SLC24A2: variants seen among roughly 807,000 people sequenced by gnomAD.
SLC24A2 encodes the protein sodium/potassium/calcium exchanger 2.
Under a neutral mutation model 62.0 loss-of-function variants are expected in SLC24A2, and 36 were observed. The ratio of observed to expected loss-of-function variants is 0.58; its 90% CI spans 0.44 to 0.77. The LOEUF is 0.77. Ranked by LOEUF, SLC24A2 falls within the 30% of genes least tolerant of loss-of-function variation. SLC24A2 has a pLI of 0.00. For synonymous variants in SLC24A2, 358 were observed against 294.0 expected, an observed-to-expected ratio of 1.22 and a Z score of -2.23; for missense variants, 846 against 817.9, an observed-to-expected ratio of 1.03 and a Z score of -0.42.
intron 9 of SLC24A2, among the ~76,000 whole-genome samples, chr9:19,522,645 C>T (rs1419950066): frequency 6.6e-6 from 1 of 152,136 alleles, no homozygotes; most frequent in Admixed American, 6.6e-5. Flanking sequence ...ATCACTGCTC[C>T]CCATTAGTAA....
the SLC24A2 span, among the ~76,000 whole-genome samples, chr9:19,801,160 C>T: frequency 6.6e-6 from 1 of 152,174 alleles, no homozygotes; most frequent in Admixed American, 6.5e-5. Context: ...TTCTTGGCCT[C>T]AGATATTCCA....
chr9:19,672,582 G>C (rs2093318), intron 2 of SLC24A2, among the ~76,000 whole-genome samples: 3,257 of 146,156 alleles, frequency 0.022, 428 homozygotes, highest in East Asian at 0.093. Context: ...GCGGGGTCTG[G>C]GTTTGGCTTG....
chr9:19,634,281 CTTTTTTTTTTT>C (rs35884916), intron 2 of SLC24A2, among the ~76,000 whole-genome samples: 18 of 79,304 alleles, frequency 2.3e-4, no homozygotes, highest in South Asian at 5.9e-4. Flanking sequence ...ACTGCAGCCT[CTTTTTTTTTTT>C]TTTTTTTTTT....
chr9:20,047,264 T>TATGCAGACTGTTTGCTCAATCTTTCTA, the SLC24A2 span, among the ~76,000 whole-genome samples: 8 of 152,134 alleles, frequency 5.3e-5, no homozygotes, highest in Admixed American at 5.2e-4. Flanking sequence ...ACTTTCTAGC[T>TATGCAGACTGTTTGCTCAATCTTTCTA]ATGCAGACTG....
the SLC24A2 span, among the ~76,000 whole-genome samples, chr9:20,307,881 A>G: frequency 1.3e-5 from 2 of 152,100 alleles, no homozygotes; most frequent in Non-Finnish European, 2.9e-5. Flanking sequence ...TTTGACTACA[A>G]GATTTACCAG....
chr9:19,744,341 CCTT>C (rs1273536488), intron 2 of SLC24A2, among the ~76,000 whole-genome samples: 1 of 152,188 alleles, frequency 6.6e-6, no homozygotes, highest in African/African-American at 2.4e-5. Context: ...GATCCCATCT[CCTT>C]CTTCCTCTTT....
chr9:20,189,726 G>C, the SLC24A2 span, among the ~76,000 whole-genome samples: 10 of 152,190 alleles, frequency 6.6e-5, no homozygotes, highest in African/African-American at 2.4e-4. Flanking sequence ...AGTTTCCTTG[G>C]TGTCCACAGC....
the SLC24A2 span, among the ~76,000 whole-genome samples, chr9:20,128,554 G>A: frequency 0.16 from 23,663 of 151,924 alleles, 2,535 homozygotes; most frequent in East Asian, 0.46. Flanking sequence ...CATTCAAAAG[G>A]GAGCCCAGAA....
At chr9:19,613,720 G>T (rs909832064) in intron 4 of SLC24A2, among the ~76,000 whole-genome samples, 11 of 152,164 alleles carry the variant, frequency 7.2e-5, no homozygotes, top group African/African-American at 2.4e-4. Context: ...GAGCTCTTGT[G>T]ATTTAAGCTG....
intron 2 of SLC24A2, among the ~76,000 whole-genome samples, chr9:19,682,516 G>C (rs907968873): frequency 6.6e-6 from 1 of 152,082 alleles, no homozygotes; most frequent in South Asian, 2.1e-4. Context: ...CCAAACCACA[G>C]AAGTGGAACA....
intron 7 of SLC24A2, among the ~76,000 whole-genome samples, chr9:19,554,262 T>C (rs1383938267): frequency 6.6e-6 from 1 of 152,222 alleles, no homozygotes. Context: ...CTTGGACTTC[T>C]AGCGTCCAGA....
chr9:19,701,961 G>A (rs1167831731), intron 2 of SLC24A2, among the ~76,000 whole-genome samples: 2 of 152,082 alleles, frequency 1.3e-5, no homozygotes, highest in African/African-American at 2.4e-5. Flanking sequence ...GATGGAAAAC[G>A]ATAACAAAGT....
intron 8 of SLC24A2, among the ~76,000 whole-genome samples, chr9:19,537,263 A>G (rs894900126): frequency 1.4e-5 from 2 of 141,806 alleles, no homozygotes; most frequent in African/African-American, 5.3e-5. Context: ...TGTATTGGAC[A>G]TGAAGTCCTT....
the SLC24A2 span, among the ~76,000 whole-genome samples, chr9:19,836,323 AC>A: frequency 6.6e-6 from 1 of 152,192 alleles, no homozygotes; most frequent in Non-Finnish European, 1.5e-5. Context: ...AAATTGATAG[AC>A]CACTAGCAAG....
intron 5 of SLC24A2, among the ~76,000 whole-genome samples, chr9:19,584,273 T>TAAAAAAAAAAAAAAAAAAA (rs5896848): frequency 1.1e-4 from 13 of 119,922 alleles, no homozygotes; most frequent in Non-Finnish European, 1.0e-4. Flanking sequence ...TAGCAAATAG[T>TAAAAAAAAAAAAAAAAAAA]AAAAAAAAAA....
the SLC24A2 span, among the ~76,000 whole-genome samples, chr9:19,853,873 G>A: frequency 3.9e-5 from 6 of 152,154 alleles, no homozygotes; most frequent in African/African-American, 1.4e-4. Flanking sequence ...TAGTTTCAGA[G>A]GAAATGGTAT....
chr9:20,249,045 G>A, the SLC24A2 span, among the ~76,000 whole-genome samples: 3 of 152,260 alleles, frequency 2.0e-5, no homozygotes, highest in African/African-American at 7.2e-5. Flanking sequence ...AGACAAAGAC[G>A]ATGAAGTAAA....
chr9:19,548,730 C>T lies in SLC24A2; in HGVS notation c.1479+1407G>A, dbSNP rs150193541. ...ATGGAGCTGTCCACAATGCTCTCCTCCCTGTGCAGTCCCCCTTTGAGAGTC... is the reference window on the plus strand; with the variant it reads ...ATGGAGCTGTCCACAATGCTCTCCTTCCTGTGCAGTCCCCCTTTGAGAGTC... On this transcript the variant is annotated intron_variant, in intron 8 of 10. Transcript: ENST00000341998. Among the ~76,000 whole-genome samples, 142 of 152,290 alleles carry T rather than the reference C, an allele frequency of 9.3e-4. 1 individual carries two copies. In the Middle Eastern group the frequency reaches 0.045, roughly 48 times the overall value.
chr9:19,648,171 A>G (rs1192228121), intron 2 of SLC24A2, among the ~76,000 whole-genome samples: 2 of 152,228 alleles, frequency 1.3e-5, no homozygotes, highest in Non-Finnish European at 2.9e-5. Flanking sequence ...AGATATTATT[A>G]TCTTCATTAG....
Sources: gnomAD v4.1 joint callset for allele counts (sites outside exome capture counted in the v4.1 genomes callset) on GRCh38, gnomAD v4.1.1 for gene constraint, MANE v1.5 for transcripts, NCBI Gene and HGNC (gene_info 2026-07-23, HGNC 2026-07-21) for gene names.